The following CFH variants were observed in gnomAD, a reference collection of about 807,000 sequenced individuals.
The protein encoded by CFH is H factor 1 (complement).
A neutral mutation model predicts 147.3 loss-of-function variants in CFH; 53 were observed. The observed-to-expected ratio is 0.36, with a 90% CI of 0.29 to 0.45. The LOEUF is 0.45. CFH is among the 20% of genes least tolerant of loss of function. The probability of loss-of-function intolerance (pLI) is 1.00; values close to 1 mark genes in which losing one functional copy is unlikely to be tolerated. For missense variants in CFH, 1,380 were observed against 1,498.0 expected (o/e 0.92, Z 1.30); for synonymous variants, 536 against 489.4 (o/e 1.10, Z -1.26).
chr1:196,716,560 G>T (rs530071414), intron 11 of CFH, among the ~76,000 whole-genome samples: 1 of 152,034 alleles, frequency 6.6e-6, no homozygotes, highest in African/African-American at 2.4e-5. Context: ...GGCAAGAGGC[G>T]ACACCATGAG....
chr1:196,652,182 T>C lies in CFH; in HGVS notation c.58+7T>C. On this transcript the variant is annotated splice_region_variant and intron_variant, in intron 1 of 21. Coordinates refer to ENST00000367429, the MANE Select transcript of CFH (RefSeq NM_000186.4). The stretch of plus-strand genomic sequence containing the variant: ...GCTATTTGTGTAGCAGAAGGTAAGA[T>C]TAAAAGAGACTCTTTTCTGAAAACT... 1 of 1,595,500 alleles carries C rather than the reference T, an allele frequency of 6.3e-7. No individual in the cohort carries two copies. Among genetic ancestry groups the C allele is most frequent in the Non-Finnish European group, 8.6e-7 (1 of 1,163,238 alleles).
At chr1:196,738,423 T>TA (rs1411752075) in intron 17 of CFH, among the ~76,000 whole-genome samples, 2 of 152,158 alleles carry the variant, frequency 1.3e-5, no homozygotes. Context: ...TATGAGCCTG[T>TA]AAAATCAAAA....
intron 1 of CFH, among the ~76,000 whole-genome samples, chr1:196,665,365 T>C (rs970999440): frequency 6.6e-6 from 1 of 150,554 alleles, no homozygotes; most frequent in Non-Finnish European, 1.5e-5. Flanking sequence ...TAAATATATT[T>C]ATAAAATAAA....
intron 19 of CFH, 127 bp downstream of exon 19, chr1:196,742,178 C>A (rs1438331703): frequency 5.1e-6 from 4 of 789,806 alleles, no homozygotes; most frequent in Non-Finnish European, 8.4e-6. Flanking sequence ...AGTTCGAGAC[C>A]AGCCTGGCCA....
chr1:196,714,635 G>GTGTATATATATATA (rs1392624278), intron 10 of CFH, among the ~76,000 whole-genome samples: 17 of 24,920 alleles, frequency 6.8e-4, no homozygotes, highest in Admixed American at 2.2e-3. Context: ...ACGTATATAT[G>GTGTATATATATATA]TATATATATA....
chr1:196,656,030 G>C (rs1261827298), intron 1 of CFH, among the ~76,000 whole-genome samples: 1 of 152,212 alleles, frequency 6.6e-6, no homozygotes, highest in South Asian at 2.1e-4. Context: ...TCCAGGCCGG[G>C]CATGGTGGCT....
chr1:196,667,603 A>C (rs113362334), intron 1 of CFH, among the ~76,000 whole-genome samples: 2,299 of 152,198 alleles, frequency 0.015, 66 homozygotes, highest in African/African-American at 0.052. Flanking sequence ...ATCATCATAT[A>C]TTTGAGTTTT....
chr1:196,690,362 C>A, intron 9 of CFH, 123 bp downstream of exon 9: 2 of 1,418,444 alleles, frequency 1.4e-6, no homozygotes, highest in Non-Finnish European at 2.0e-6. Context: ...TACCAATGGA[C>A]CTATTTAGTT....
At chr1:196,654,769 A>G (rs1666628657) in intron 1 of CFH, among the ~76,000 whole-genome samples, 1 of 152,194 alleles carries the variant, frequency 6.6e-6, no homozygotes, top group Non-Finnish European at 1.5e-5. Context: ...TTTAGAGTGC[A>G]GAAACGTTAT....
intron 1 of CFH, among the ~76,000 whole-genome samples, chr1:196,659,749 G>A (rs1436298401): frequency 2.6e-5 from 4 of 152,060 alleles, no homozygotes; most frequent in African/African-American, 9.7e-5. Context: ...TACAGGGAGG[G>A]GCTTCCACTC....
intron 9 of CFH, among the ~76,000 whole-genome samples, chr1:196,711,270 T>A (rs951673480): frequency 6.6e-6 from 1 of 152,140 alleles, no homozygotes; most frequent in East Asian, 1.9e-4. Flanking sequence ...GCTAAGGTTA[T>A]TGAAGTGGAA....
At chr1:196,725,359 T>G in intron 12 of CFH, 62 bp downstream of exon 12, 2 of 1,543,666 alleles carry the variant, frequency 1.3e-6, no homozygotes, top group Admixed American at 3.4e-5. Context: ...AACTTTTTTC[T>G]TATTAATTTT....
At chr1:196,691,842 A>G (rs1668034738) in intron 9 of CFH, among the ~76,000 whole-genome samples, 1 of 151,968 alleles carries the variant, frequency 6.6e-6, no homozygotes, top group African/African-American at 2.4e-5. Flanking sequence ...CCACTATACT[A>G]TTCTTTATTC....
intron 8 of CFH, 50 bp downstream of exon 8, chr1:196,689,664 C>T (rs371278506): frequency 3.8e-6 from 6 of 1,585,316 alleles, no homozygotes; most frequent in Non-Finnish European, 5.2e-6. Flanking sequence ...TTTCAAAGAT[C>T]GAAGAAAGGA....
intron 7 of CFH, among the ~76,000 whole-genome samples, chr1:196,685,757 T>G (rs1451089957): frequency 1.3e-5 from 2 of 152,038 alleles, no homozygotes; most frequent in Non-Finnish European, 2.9e-5. Flanking sequence ...ACATGGCTGT[T>G]GTCAGGAGGC....
chr1:196,738,820 G>T (rs1652687924), intron 17 of CFH, among the ~76,000 whole-genome samples: 1 of 152,216 alleles, frequency 6.6e-6, no homozygotes, highest in African/African-American at 2.4e-5. Context: ...CCTCAGTGGG[G>T]ACTCTATGTG....
chr1:196,673,908 CAGG>C lies in CFH; in HGVS notation c.301_303del (p.Gly101del). The C allele has an allele frequency of 1.2e-6, 2 of 1,613,412 alleles. No individual in the cohort carries two copies. The highest frequency in any genetic ancestry group is 2.2e-5 in the South Asian group (2 of 91,066). On this transcript the variant is annotated inframe_deletion, in exon 3 of 22. Coordinates refer to ENST00000367429, the MANE Select transcript of CFH (RefSeq NM_000186.4). ...ACTCCTTTTGGTACTTTTACCCTTA[CAGG>C]AGGAAATGTGTTTGAATATGGTGTA...
intron 5 of CFH, chr1:196,678,036 G>C: frequency 3.9e-6 from 1 of 259,236 alleles, no homozygotes; most frequent in Non-Finnish European, 7.7e-6. Flanking sequence ...GGTTGAAAGA[G>C]AATGCTAAGT....
intron 10 of CFH, 46 bp downstream of exon 10, chr1:196,713,963 A>G (rs749995000): frequency 3.9e-6 from 6 of 1,539,664 alleles, no homozygotes; most frequent in Middle Eastern, 1.7e-4. Context: ...ATGATACACA[A>G]AAGTTTACTA....
Sources: allele counts gnomAD v4.1 joint callset (sites outside exome capture counted in the v4.1 genomes callset), GRCh38; gene constraint gnomAD v4.1.1; transcripts MANE v1.5; gene names NCBI Gene and HGNC (gene_info 2026-07-23, HGNC 2026-07-21).